Variants in NTRK3 observed in about 807,000 individuals in gnomAD.
The protein encoded by NTRK3 is NT-3 growth factor receptor.
Under a neutral mutation model 91.7 loss-of-function variants are expected in NTRK3, and 24 were observed. That is an observed-to-expected ratio of 0.26 (90% confidence interval 0.19 to 0.37). The LOEUF (loss-of-function observed/expected upper bound fraction) is 0.37. NTRK3 is among the 10% of genes least tolerant of loss of function. NTRK3 has a pLI of 1.00. For synonymous variants in NTRK3, 483 were observed against 404.0 expected, an observed-to-expected ratio of 1.20 and a Z score of -2.34; for missense variants, 880 against 1,068.9, an observed-to-expected ratio of 0.82 and a Z score of 2.46.
intron 17 of NTRK3, among the ~76,000 whole-genome samples, chr15:87,918,034 T>A (rs1273237532): frequency 6.6e-6 from 1 of 152,140 alleles, no homozygotes; most frequent in African/African-American, 2.4e-5. Context: ...TTTGTTTTCA[T>A]AGTTGCCCCT....
At position 87,990,960 on chromosome 15, in the gene NTRK3, C is replaced by G. The variant is rs192260696; in HGVS notation, c.1585+41897G>C. On this transcript the variant is annotated intron_variant, in intron 14 of 18. Coordinates refer to ENST00000394480, the Ensembl canonical transcript of NTRK3. ...AACCTCCACTGTTTTGCAGATCATT[C>G]ATGATTACATTCCCATAATCCAAGT... Among the ~76,000 whole-genome samples the G allele has an allele frequency of 6.6e-5, 10 of 152,308 alleles. No homozygotes were observed. In the East Asian group the frequency reaches 1.4e-3, roughly 21 times the overall value.
chr15:88,132,951 C>G (rs2041510280), intron 10 of NTRK3, among the ~76,000 whole-genome samples: 1 of 152,134 alleles, frequency 6.6e-6, no homozygotes, highest in Non-Finnish European at 1.5e-5. Flanking sequence ...CCTCCATCCT[C>G]CTGGGGCCAG....
At chr15:88,158,579 T>C (rs1047321139) in intron 5 of NTRK3, among the ~76,000 whole-genome samples, 2 of 152,240 alleles carry the variant, frequency 1.3e-5, no homozygotes, top group African/African-American at 4.8e-5. Context: ...CTGTGTTTCT[T>C]CATGTTGTCT....
chr15:88,085,967 C>G (rs889150008), intron 13 of NTRK3, among the ~76,000 whole-genome samples: 1 of 152,148 alleles, frequency 6.6e-6, no homozygotes, highest in Non-Finnish European at 1.5e-5. Flanking sequence ...CAGATGATGA[C>G]AATGACAGAA....
intron 13 of NTRK3, among the ~76,000 whole-genome samples, chr15:88,086,282 C>T (rs570294192): frequency 1.3e-5 from 2 of 152,292 alleles, no homozygotes; most frequent in South Asian, 2.1e-4. Flanking sequence ...TCTGCAATGT[C>T]CAACTCAGTA....
At chr15:88,152,300 T>TCAAAA (rs979655144) in intron 5 of NTRK3, among the ~76,000 whole-genome samples, 18 of 152,204 alleles carry the variant, frequency 1.2e-4, no homozygotes, top group East Asian at 3.9e-4. Context: ...AAACTCCATC[T>TCAAAA]CAAAACAAAA....
At chr15:88,256,262 A>C in intron 2 of NTRK3, 22 bp downstream of exon 2, 2 of 71,796 alleles carry the variant, frequency 2.8e-5, no homozygotes, top group African/African-American at 1.0e-4. Flanking sequence ...GGGAGGGGGG[A>C]AGGGGGAGGG....
intron 16 of NTRK3, among the ~76,000 whole-genome samples, chr15:87,929,682 T>G (rs1043036459): frequency 6.6e-6 from 1 of 152,342 alleles, no homozygotes; most frequent in East Asian, 1.9e-4. Context: ...GGAATAAACC[T>G]ACTCTTTTTA....
intron 17 of NTRK3, among the ~76,000 whole-genome samples, chr15:87,892,085 C>CACACACAT (rs1162469170): frequency 2.0e-4 from 27 of 135,236 alleles, no homozygotes; most frequent in Middle Eastern, 3.8e-3. Context: ...CCATCCCCAA[C>CACACACAT]ACACACACAC....
exon 19 of NTRK3, chr15:87,875,890 C>T (rs2064933634): frequency 4.3e-6 from 1 of 232,252 alleles, no homozygotes; most frequent in South Asian, 1.8e-4. Flanking sequence ...TTATAATGAC[C>T]TACAAGCAAC....
intron 17 of NTRK3, among the ~76,000 whole-genome samples, chr15:87,909,478 G>A (rs1482061373): frequency 1.3e-5 from 2 of 152,196 alleles, no homozygotes; most frequent in Non-Finnish European, 2.9e-5. Flanking sequence ...CAAACTCATA[G>A]GGTGAGGCTG....
At chr15:88,127,088 A>C in intron 12 of NTRK3, 74 bp downstream of exon 12, 1 of 1,299,172 alleles carries the variant, frequency 7.7e-7, no homozygotes, top group East Asian at 2.3e-5. Context: ...TATTTGGAAA[A>C]GTTAGCAACA....
At chr15:87,873,768 G>A (rs1004269221) in exon 19 of NTRK3, 5 of 231,752 alleles carry the variant, frequency 2.2e-5, no homozygotes, top group African/African-American at 1.1e-4. Flanking sequence ...GCCAGGATGG[G>A]AAGCCGACCA....
intron 13 of NTRK3, among the ~76,000 whole-genome samples, chr15:88,046,952 C>T (rs775740092): frequency 4.6e-5 from 7 of 152,164 alleles, no homozygotes; most frequent in Admixed American, 2.0e-4. Context: ...TTCCCTTGTA[C>T]GGCACGCTTT....
At chr15:88,005,453 TA>T (rs1404518170) in intron 14 of NTRK3, among the ~76,000 whole-genome samples, 1 of 152,164 alleles carries the variant, frequency 6.6e-6, no homozygotes, top group Non-Finnish European at 1.5e-5. Context: ...CCTTAAAGCC[TA>T]AAGTCTGTCC....
At chr15:87,922,412 A>AG (rs2067951342) in intron 17 of NTRK3, among the ~76,000 whole-genome samples, 1 of 152,184 alleles carries the variant, frequency 6.6e-6, no homozygotes. Flanking sequence ...TAAACTAATG[A>AG]GGGGGCTGCC....
intron 14 of NTRK3, among the ~76,000 whole-genome samples, chr15:88,028,658 G>A (rs1461081225): frequency 6.6e-6 from 1 of 152,102 alleles, no homozygotes; most frequent in African/African-American, 2.4e-5. Flanking sequence ...CTGGGAAGAT[G>A]GAGACGCTGC....
intron 13 of NTRK3, among the ~76,000 whole-genome samples, chr15:88,064,385 A>G (rs148356110): frequency 4.9e-4 from 75 of 152,312 alleles, no homozygotes; most frequent in African/African-American, 1.6e-3. Context: ...TCGTCCTTCA[A>G]GGCCACACCC....
chr15:88,179,069 C>T (rs1369277855), intron 5 of NTRK3, among the ~76,000 whole-genome samples: 3 of 152,178 alleles, frequency 2.0e-5, no homozygotes, highest in Admixed American at 6.5e-5. Context: ...TCAATGTTTG[C>T]ATCTATGAAA....
Sources: allele counts gnomAD v4.1 joint callset (sites outside exome capture counted in the v4.1 genomes callset), GRCh38; gene constraint gnomAD v4.1.1; transcripts MANE v1.5; gene names NCBI Gene and HGNC (gene_info 2026-07-23, HGNC 2026-07-21).